The following CACNA2D3 variants were observed in gnomAD, a reference collection of about 807,000 sequenced individuals.
CACNA2D3 encodes the protein calcium voltage-gated channel auxiliary subunit alpha2delta 3.
Under a neutral mutation model 160.6 loss-of-function variants are expected in CACNA2D3, and 60 were observed. The observed-to-expected ratio is 0.37, with a 90% confidence interval of 0.30 to 0.46. The LOEUF is 0.46. Among genes scored for constraint, CACNA2D3 ranks in the 20% least tolerant of loss-of-function variants. The pLI is 1.00. For synonymous variants in CACNA2D3, 558 were observed against 492.9 expected (o/e 1.13, Z -1.75); for missense variants, 1,205 against 1,365.0 (o/e 0.88, Z 1.85).
At chr3:54,557,025 TTC>T (rs60429729) in intron 5 of CACNA2D3, among the ~76,000 whole-genome samples, 2,996 of 152,326 alleles carry the variant, frequency 0.02, 92 homozygotes, top group African/African-American at 0.069. Context: ...CATCTATTTT[TTC>T]TGTTTTTTCT....
chr3:54,556,486 A>AT (rs1346248240), intron 5 of CACNA2D3, among the ~76,000 whole-genome samples: 3 of 152,180 alleles, frequency 2.0e-5, no homozygotes, highest in Non-Finnish European at 4.4e-5. Flanking sequence ...TGGCAGCTTG[A>AT]TTTTTAACTG....
At chr3:54,679,528 A>G (rs1700304676) in intron 11 of CACNA2D3, among the ~76,000 whole-genome samples, 1 of 152,140 alleles carries the variant, frequency 6.6e-6, no homozygotes, top group Non-Finnish European at 1.5e-5. Context: ...AGTTTTCCAG[A>G]TTGTGGTAGG....
At chr3:54,587,681 T>C (rs1465791402) in intron 9 of CACNA2D3, among the ~76,000 whole-genome samples, 1 of 152,192 alleles carries the variant, frequency 6.6e-6, no homozygotes, top group East Asian at 1.9e-4. Flanking sequence ...AATACTATTG[T>C]AAACAACTTT....
At position 54,750,203 on chromosome 3, in the gene CACNA2D3, A is replaced by G. The variant is rs550694482; in HGVS notation, c.1168-2396A>G. 2.7e-3 allele frequency among the ~76,000 whole-genome samples: 417 copies of G among 152,326 alleles called. 3 individuals carry two copies. The highest frequency in any genetic ancestry group is 9.8e-3 in the African/African-American group (409 of 41,576). ...CAGTTTATATGAAGGCTCTTCGTCTAGACAGCAGAGGAGGCTGGCACTCAC... is the reference window on the plus strand; with the variant it reads ...CAGTTTATATGAAGGCTCTTCGTCTGGACAGCAGAGGAGGCTGGCACTCAC... On this transcript the variant is annotated intron_variant, in intron 11 of 37. Transcript: ENST00000474759.
intron 35 of CACNA2D3, among the ~76,000 whole-genome samples, chr3:55,051,790 T>A (rs358468): frequency 6.6e-6 from 1 of 151,800 alleles, no homozygotes; most frequent in African/African-American, 2.4e-5. Context: ...GAGCCAGGTG[T>A]GGGATATAAT....
intron 24 of CACNA2D3, among the ~76,000 whole-genome samples, chr3:54,890,269 G>T (rs2106864894): frequency 6.6e-6 from 1 of 152,192 alleles, no homozygotes; most frequent in Admixed American, 6.5e-5. Context: ...GGCCGAGGTG[G>T]GCAGATCACA....
At chr3:54,974,298 A>G (rs1246919474) in intron 29 of CACNA2D3, among the ~76,000 whole-genome samples, 1 of 152,308 alleles carries the variant, frequency 6.6e-6, no homozygotes, top group African/African-American at 2.4e-5. Flanking sequence ...AGTACTTTAC[A>G]TGCACCCTCC....
chr3:54,895,481 G>C (rs1438003383), intron 25 of CACNA2D3, among the ~76,000 whole-genome samples: 1 of 152,178 alleles, frequency 6.6e-6, no homozygotes, highest in Non-Finnish European at 1.5e-5. Context: ...CTTTGGTAGA[G>C]GTGAAGGGAA....
intron 3 of CACNA2D3, among the ~76,000 whole-genome samples, chr3:54,378,847 A>G (rs1336566449): frequency 1.3e-5 from 2 of 152,184 alleles, no homozygotes; most frequent in East Asian, 1.9e-4. Context: ...AGCTTTGCAA[A>G]TGTTGCACTT....
At chr3:54,990,669 A>AC (rs1702719136) in intron 31 of CACNA2D3, among the ~76,000 whole-genome samples, 2 of 152,090 alleles carry the variant, frequency 1.3e-5, no homozygotes, top group African/African-American at 4.8e-5. Context: ...TGTCTTGGTC[A>AC]TTTTGCTGCC....
intron 3 of CACNA2D3, among the ~76,000 whole-genome samples, chr3:54,327,328 T>G (rs1559450858): frequency 6.6e-6 from 1 of 152,246 alleles, no homozygotes; most frequent in Non-Finnish European, 1.5e-5. Flanking sequence ...ATGTGTAATT[T>G]CATGTCTTCT....
chr3:54,131,865 T>C (rs1363296444), intron 2 of CACNA2D3, among the ~76,000 whole-genome samples: 1 of 152,218 alleles, frequency 6.6e-6, no homozygotes, highest in Non-Finnish European at 1.5e-5. Flanking sequence ...TGTGCTATAA[T>C]TTGCGAAGCA....
At chr3:54,673,301 T>C (rs1188368542) in intron 11 of CACNA2D3, among the ~76,000 whole-genome samples, 2 of 152,210 alleles carry the variant, frequency 1.3e-5, no homozygotes, top group African/African-American at 4.8e-5. Context: ...GAGTAGGTTT[T>C]GGAAATGCTG....
intron 13 of CACNA2D3, among the ~76,000 whole-genome samples, chr3:54,781,649 C>T (rs1018141762): frequency 2.0e-5 from 3 of 152,210 alleles, no homozygotes; most frequent in Non-Finnish European, 4.4e-5. Flanking sequence ...GTAATTTGTA[C>T]ATGTTAAAAT....
chr3:54,722,856 C>A (rs1246977851), intron 11 of CACNA2D3, among the ~76,000 whole-genome samples: 2 of 152,174 alleles, frequency 1.3e-5, no homozygotes, highest in African/African-American at 4.8e-5. Flanking sequence ...GTCTCCCAGT[C>A]AGGATACATG....
chr3:54,462,679 G>T (rs187727090), intron 4 of CACNA2D3, among the ~76,000 whole-genome samples: 2 of 152,114 alleles, frequency 1.3e-5, no homozygotes, highest in Non-Finnish European at 2.9e-5. Context: ...CTCTGCATGT[G>T]AGATGGGTTT....
chr3:54,797,104 T>C (rs1319727037), intron 13 of CACNA2D3, among the ~76,000 whole-genome samples: 1 of 152,214 alleles, frequency 6.6e-6, no homozygotes, highest in Non-Finnish European at 1.5e-5. Flanking sequence ...CACTTGTGAT[T>C]TGCTAAATGA....
At chr3:54,550,478 G>A (rs1702138559) in intron 5 of CACNA2D3, among the ~76,000 whole-genome samples, 1 of 152,222 alleles carries the variant, frequency 6.6e-6, no homozygotes, top group Non-Finnish European at 1.5e-5. Context: ...ACCCCCAAAT[G>A]TGGGCGGTCA....
intron 3 of CACNA2D3, among the ~76,000 whole-genome samples, chr3:54,346,103 T>G (rs1400884857): frequency 1.3e-5 from 2 of 152,044 alleles, no homozygotes; most frequent in Non-Finnish European, 2.9e-5. Context: ...GCTCAAGATG[T>G]TTGATGACCC....
Sources: allele counts gnomAD v4.1 joint callset (sites outside exome capture counted in the v4.1 genomes callset), GRCh38; gene constraint gnomAD v4.1.1; transcripts MANE v1.5; gene names NCBI Gene and HGNC (gene_info 2026-07-23, HGNC 2026-07-21).